The following MCCC2 variants were observed in gnomAD, a reference collection of about 807,000 sequenced individuals.
The protein encoded by MCCC2 is methylcrotonoyl-CoA carboxylase beta chain, mitochondrial.
MCCC2 carries 52 observed loss-of-function variants against 77.2 expected under a neutral mutation model. The observed-to-expected ratio is 0.67, with a 90% CI of 0.54 to 0.85. The LOEUF (loss-of-function observed/expected upper bound fraction) is 0.85, where lower values mean the gene tolerates loss of function less well. MCCC2 is among the 40% of genes least tolerant of loss of function. MCCC2 has a pLI of 0.00. For missense variants in MCCC2, 682 were observed against 703.2 expected, an observed-to-expected ratio of 0.97 and a Z score of 0.34; for synonymous variants, 253 against 248.4, an observed-to-expected ratio of 1.02 and a Z score of -0.18.
intron 6 of MCCC2, among the ~76,000 whole-genome samples, chr5:71,624,866 G>T (rs561077669): frequency 5.9e-5 from 9 of 151,582 alleles, no homozygotes; most frequent in South Asian, 2.1e-4. Flanking sequence ...ATTAATTTTT[G>T]TTTTTTTAGT....
chr5:71,633,601 G>T (rs940419683), intron 8 of MCCC2, among the ~76,000 whole-genome samples: 1 of 151,708 alleles, frequency 6.6e-6, no homozygotes, highest in Non-Finnish European at 1.5e-5. Context: ...AAGTGGCTCT[G>T]TGTTCTCTCA....
At chr5:71,623,902 T>C (rs1394073726) in intron 6 of MCCC2, among the ~76,000 whole-genome samples, 1 of 152,232 alleles carries the variant, frequency 6.6e-6, no homozygotes, top group Non-Finnish European at 1.5e-5. Context: ...GCTATTCCCT[T>C]GTGAGACTTT....
At chr5:71,655,141 T>C (rs1747546355) in intron 16 of MCCC2, among the ~76,000 whole-genome samples, 1 of 152,184 alleles carries the variant, frequency 6.6e-6, no homozygotes, top group Non-Finnish European at 1.5e-5. Flanking sequence ...GCCAGATCTG[T>C]AGATGTTTAA....
chr5:71,624,710 T>G (rs1746479935), intron 6 of MCCC2, among the ~76,000 whole-genome samples: 1 of 125,882 alleles, frequency 7.9e-6, no homozygotes, highest in African/African-American at 2.8e-5. Context: ...TTTTTTTTTT[T>G]TTGAGATGGA....
intron 1 of MCCC2, among the ~76,000 whole-genome samples, chr5:71,589,025 T>TA (rs1000402528): frequency 6.6e-6 from 1 of 152,084 alleles, no homozygotes; most frequent in African/African-American, 2.4e-5. Flanking sequence ...GATGGATTGA[T>TA]ATAGGGAAAA....
intron 7 of MCCC2, 131 bp downstream of exon 7, chr5:71,626,884 C>T: frequency 2.3e-6 from 2 of 884,260 alleles, no homozygotes; most frequent in Non-Finnish European, 3.7e-6. Context: ...ACTGTTGTAA[C>T]CGTTTTTCAG....
Position 71,649,109 on chromosome 5 carries a change from G to C in MCCC2, c.1229G>C (p.Gly410Ala), listed in dbSNP as rs771440617. 25 of 1,614,120 alleles carry C rather than the reference G, an allele frequency of 1.5e-5. No individual in the cohort carries two copies. The highest frequency in any genetic ancestry group is 2.0e-5 in the Non-Finnish European group (24 of 1,180,052). The change falls in exon 14 of 17, where the codon GGT becomes GCT. Residue 410 changes from glycine to alanine, a missense_variant. Transcript: ENST00000340941. ...FLQNITGFMV[G>A]REYEAEGIAK... ...ATCTTTCTCTCAGGATTTATGGTTGGTAGAGAGTATGAAGCTGAAGGAATT... is the reference window on the plus strand; with the variant it reads ...ATCTTTCTCTCAGGATTTATGGTTGCTAGAGAGTATGAAGCTGAAGGAATT...
chr5:71,630,726 G>T (rs1297612554), intron 7 of MCCC2, among the ~76,000 whole-genome samples: 2 of 152,114 alleles, frequency 1.3e-5, no homozygotes, highest in African/African-American at 4.8e-5. Context: ...AGCTTTTGAT[G>T]TAGAGAGTAA....
chr5:71,589,988 G>A (rs573779014), intron 1 of MCCC2, among the ~76,000 whole-genome samples: 2 of 152,252 alleles, frequency 1.3e-5, no homozygotes, highest in South Asian at 2.1e-4. Context: ...AAAAGATGGG[G>A]TGGGAAACTT....
chr5:71,614,508 G>T (rs1200272651), intron 6 of MCCC2, among the ~76,000 whole-genome samples: 1 of 147,482 alleles, frequency 6.8e-6, no homozygotes, highest in Non-Finnish European at 1.5e-5. Flanking sequence ...TTGAGATGGA[G>T]TCCTGCTCTT....
rs1052530464 is a variant in MCCC2, at chr5:71,646,261, C to T, written c.1200C>T (p.Phe400=). 3.1e-6 allele frequency: 5 copies of T among 1,613,654 alleles called. No individual in the cohort carries two copies. The highest frequency in any genetic ancestry group is 1.7e-4 in the Middle Eastern group (1 of 6,060). ...LCCQRNIPLL[F]LQNITGFMVG... ...GCCAAAGAAATATTCCTCTGCTGTT[C>T]CTTCAAAACATTACTGGTAAGAAAA... Residue 400 remains phenylalanine (F), a synonymous_variant, in exon 13 of 17, where the codon TTC becomes TTT. Transcript: ENST00000340941.
chr5:71,635,395 C>A, intron 10 of MCCC2, 149 bp downstream of exon 10: 2 of 742,130 alleles, frequency 2.7e-6, no homozygotes, highest in Non-Finnish European at 4.8e-6. Flanking sequence ...GGCAATGATA[C>A]CTTTCCATAC....
chr5:71,619,147 G>A (rs1003310306), intron 6 of MCCC2, among the ~76,000 whole-genome samples: 1 of 151,674 alleles, frequency 6.6e-6, no homozygotes, highest in African/African-American at 2.4e-5. Flanking sequence ...CCTCCTCCCC[G>A]CTTGCCTTAG....
chr5:71,629,501 C>T (rs1746641510), intron 7 of MCCC2, among the ~76,000 whole-genome samples: 1 of 151,940 alleles, frequency 6.6e-6, no homozygotes, highest in South Asian at 2.1e-4. Context: ...GAATTCTATT[C>T]CAAAAAGTTT....
chr5:71,629,958 A>C (rs796129342), intron 7 of MCCC2, among the ~76,000 whole-genome samples: 84 of 152,334 alleles, frequency 5.5e-4, no homozygotes, highest in African/African-American at 1.9e-3. Flanking sequence ...CAGGCAGATC[A>C]TAATAGTGGA....
intron 14 of MCCC2, 67 bp from the exon 15 acceptor site, chr5:71,650,002 C>A: frequency 8.1e-7 from 1 of 1,241,062 alleles, no homozygotes; most frequent in Non-Finnish European, 1.2e-6. Flanking sequence ...AAAAGGCAAA[C>A]ATGGGCCTCT....
intron 6 of MCCC2, among the ~76,000 whole-genome samples, chr5:71,606,462 G>A (rs1375225344): frequency 2.0e-5 from 3 of 150,224 alleles, no homozygotes; most frequent in African/African-American, 7.3e-5. Context: ...TTATCAGCTT[G>A]AGGAGATTTT....
chr5:71,603,783 A>G (rs1376997146), intron 5 of MCCC2, among the ~76,000 whole-genome samples: 4 of 152,216 alleles, frequency 2.6e-5, no homozygotes, highest in African/African-American at 2.4e-5. Context: ...AGTGCTTTCT[A>G]TACATTTTTC....
intron 7 of MCCC2, among the ~76,000 whole-genome samples, chr5:71,631,605 A>G (rs1229994602): frequency 2.0e-5 from 3 of 150,192 alleles, no homozygotes; most frequent in Non-Finnish European, 4.4e-5. Flanking sequence ...CAGTGGCGCA[A>G]TCTCGGCTCA....
Sources: allele counts gnomAD v4.1 joint callset (sites outside exome capture counted in the v4.1 genomes callset), GRCh38; gene constraint gnomAD v4.1.1; transcripts MANE v1.5; gene names NCBI Gene and HGNC (gene_info 2026-07-23, HGNC 2026-07-21).